Variants in EDIL3 observed in about 807,000 individuals in gnomAD.
EDIL3 encodes the protein EGF-like repeat and discoidin I-like domain-containing protein 3.
A neutral mutation model predicts 67.4 loss-of-function variants in EDIL3; 37 were observed. The observed-to-expected ratio is 0.55, with a 90% CI of 0.42 to 0.72. The LOEUF is 0.72. Ranked by LOEUF, EDIL3 falls within the 30% of genes least tolerant of loss-of-function variation. The pLI, the probability that EDIL3 is intolerant of heterozygous loss-of-function variation, is 0.00. For synonymous variants in EDIL3, 195 were observed against 196.3 expected, an observed-to-expected ratio of 0.99 and a Z score of 0.05; for missense variants, 527 against 586.3, an observed-to-expected ratio of 0.90 and a Z score of 1.04.
chr5:84,232,997 G>T (rs530442621), intron 2 of EDIL3, among the ~76,000 whole-genome samples: 1 of 152,126 alleles, frequency 6.6e-6, no homozygotes, highest in African/African-American at 2.4e-5. Flanking sequence ...CCTCTCAGAA[G>T]TCATAAAATC....
At chr5:84,289,005 C>T (rs976787039) in intron 1 of EDIL3, among the ~76,000 whole-genome samples, 9 of 151,990 alleles carry the variant, frequency 5.9e-5, no homozygotes, top group Admixed American at 5.9e-4. Flanking sequence ...AGCTAAGAAA[C>T]GCAGCTCAAA....
At position 84,137,167 on chromosome 5, in the gene EDIL3, A is replaced by G. The variant is rs546623792; in HGVS notation, c.469+74T>C. ...CATAAAAATATATATGCATACATAT[A>G]TGTGTGTGTGTATACATACACACAC... On this transcript the variant is annotated intron_variant, in intron 5 of 10. Transcript: ENST00000296591. The G allele has an allele frequency of 3.0e-5, 30 of 1,002,228 alleles. No homozygotes were observed. In the Admixed American group the frequency reaches 3.7e-4, roughly 12 times the overall value. 62.1% of individuals were successfully genotyped at this position (1,002,228 alleles called of 1,614,324 possible).
chr5:84,312,630 C>T (rs1272386386), intron 1 of EDIL3, among the ~76,000 whole-genome samples: 7 of 150,972 alleles, frequency 4.6e-5, no homozygotes, highest in African/African-American at 1.2e-4. Flanking sequence ...ACCTCCTTCC[C>T]GGACGGGGCG....
chr5:84,121,388 C>A (rs976783272), intron 5 of EDIL3, among the ~76,000 whole-genome samples: 3 of 151,932 alleles, frequency 2.0e-5, no homozygotes, highest in Non-Finnish European at 4.4e-5. Context: ...TTTGTCCTCT[C>A]TTTTCTCATC....
intron 9 of EDIL3, among the ~76,000 whole-genome samples, chr5:84,048,907 C>A (rs1263258092): frequency 6.6e-6 from 1 of 152,088 alleles, no homozygotes; most frequent in African/African-American, 2.4e-5. Flanking sequence ...TGATCATTAG[C>A]AATGTCCCTG....
At chr5:84,297,552 C>T (rs1746075882) in intron 1 of EDIL3, among the ~76,000 whole-genome samples, 1 of 152,034 alleles carries the variant, frequency 6.6e-6, no homozygotes, top group South Asian at 2.1e-4. Context: ...CGAATTCCGG[C>T]AGAGTCAAAG....
At chr5:84,296,485 G>A (rs1214583105) in intron 1 of EDIL3, among the ~76,000 whole-genome samples, 3 of 152,082 alleles carry the variant, frequency 2.0e-5, no homozygotes, top group Non-Finnish European at 4.4e-5. Flanking sequence ...CATCTAAAAT[G>A]CACAAGATAT....
At chr5:84,043,882 GTTATTT>G (rs532172713) in intron 9 of EDIL3, among the ~76,000 whole-genome samples, 172 of 152,198 alleles carry the variant, frequency 1.1e-3, no homozygotes, top group African/African-American at 3.8e-3. Flanking sequence ...TATTAGGGTA[GTTATTT>G]TTATTTTTAT....
At chr5:84,012,813 C>T (rs939081969) in intron 9 of EDIL3, among the ~76,000 whole-genome samples, 1 of 151,906 alleles carries the variant, frequency 6.6e-6, no homozygotes. Context: ...TTCCAAATCC[C>T]TCCAGAAATG....
chr5:84,177,243 T>C (rs970907564), intron 4 of EDIL3, among the ~76,000 whole-genome samples: 1 of 152,178 alleles, frequency 6.6e-6, no homozygotes, highest in Non-Finnish European at 1.5e-5. Flanking sequence ...ATAAAATGGA[T>C]TATTACTCAG....
chr5:84,106,136 T>C (rs941801967), intron 6 of EDIL3, among the ~76,000 whole-genome samples: 1 of 152,100 alleles, frequency 6.6e-6, no homozygotes. Context: ...TATATTGTTG[T>C]TTTCTCCTGT....
intron 5 of EDIL3, among the ~76,000 whole-genome samples, chr5:84,114,394 GT>G (rs1747628211): frequency 6.6e-6 from 1 of 152,112 alleles, no homozygotes; most frequent in African/African-American, 2.4e-5. Context: ...GAGTGAGAAT[GT>G]GAAGGTAAAC....
intron 1 of EDIL3, among the ~76,000 whole-genome samples, chr5:84,358,178 T>A (rs2112197907): frequency 6.6e-6 from 1 of 152,298 alleles, no homozygotes; most frequent in East Asian, 1.9e-4. Flanking sequence ...AGACAGTGAA[T>A]TCTGAAATTA....
chr5:84,324,463 A>G (rs748080270), intron 1 of EDIL3, among the ~76,000 whole-genome samples: 1 of 151,926 alleles, frequency 6.6e-6, no homozygotes, highest in Non-Finnish European at 1.5e-5. Context: ...TATTAGAAGT[A>G]AGAAGATCTC....
chr5:84,132,484 A>ACATATAT, intron 5 of EDIL3, among the ~76,000 whole-genome samples: 1 of 13,332 alleles, frequency 7.5e-5, no homozygotes, highest in Non-Finnish European at 2.1e-4. Context: ...ATATATTTTA[A>ACATATAT]TATATATTAT....
intron 1 of EDIL3, among the ~76,000 whole-genome samples, chr5:84,360,462 C>G (rs935799924): frequency 6.6e-6 from 1 of 152,076 alleles, no homozygotes; most frequent in Non-Finnish European, 1.5e-5. Context: ...TGTTTGAATC[C>G]TGGAAATACA....
At chr5:84,121,408 C>G (rs1174832189) in intron 5 of EDIL3, among the ~76,000 whole-genome samples, 1 of 151,912 alleles carries the variant, frequency 6.6e-6, no homozygotes, top group Non-Finnish European at 1.5e-5. Flanking sequence ...CTAGCCAATT[C>G]TGTTGTAGCC....
intron 3 of EDIL3, among the ~76,000 whole-genome samples, chr5:84,216,097 G>T (rs1744220091): frequency 6.6e-6 from 1 of 152,158 alleles, no homozygotes; most frequent in Non-Finnish European, 1.5e-5. Context: ...TTTTTTAAAT[G>T]AAGCTAAAAA....
intron 9 of EDIL3, among the ~76,000 whole-genome samples, chr5:84,056,500 G>T (rs1416928612): frequency 1.4e-5 from 2 of 146,866 alleles, no homozygotes; most frequent in Non-Finnish European, 1.5e-5. Flanking sequence ...GTTAAAATGA[G>T]ATTTGAATAC....
Sources: allele counts gnomAD v4.1 joint callset (sites outside exome capture counted in the v4.1 genomes callset), GRCh38; gene constraint gnomAD v4.1.1; transcripts MANE v1.5; gene names NCBI Gene and HGNC (gene_info 2026-07-23, HGNC 2026-07-21).